ADCY1: variants seen among roughly 807,000 people sequenced by gnomAD.
ADCY1 encodes adenylate cyclase type 1.
Under a neutral mutation model 105.4 loss-of-function variants are expected in ADCY1, and 28 were observed. The ratio of observed to expected loss-of-function variants is 0.27; its 90% CI spans 0.20 to 0.36. The LOEUF (loss-of-function observed/expected upper bound fraction) is 0.36, where lower values mean the gene tolerates loss of function less well. ADCY1 is among the 10% of genes least tolerant of loss of function. The probability of loss-of-function intolerance (pLI) is 1.00; values close to 1 mark genes in which losing one functional copy is unlikely to be tolerated. For synonymous variants in ADCY1, 655 were observed against 623.8 expected (o/e 1.05, Z -0.75); for missense variants, 977 against 1,434.2 (o/e 0.68, Z 5.15).
At chr7:45,633,091 T>C (rs1223373235) in intron 4 of ADCY1, among the ~76,000 whole-genome samples, 1 of 152,124 alleles carries the variant, frequency 6.6e-6, no homozygotes, top group Admixed American at 6.5e-5. Flanking sequence ...CTAATTTTTG[T>C]ATTTTTGGTA....
intron 4 of ADCY1, among the ~76,000 whole-genome samples, chr7:45,637,291 A>G (rs1794415858): frequency 6.6e-6 from 1 of 152,186 alleles, no homozygotes; most frequent in South Asian, 2.1e-4. Context: ...TCCATTTTAC[A>G]TTTTATTTAC....
At chr7:45,589,077 G>A (rs573051823) in intron 1 of ADCY1, among the ~76,000 whole-genome samples, 6 of 152,248 alleles carry the variant, frequency 3.9e-5, no homozygotes, top group African/African-American at 9.6e-5. Flanking sequence ...CTGGTGGATG[G>A]AGAGACTGAG....
intron 4 of ADCY1, among the ~76,000 whole-genome samples, chr7:45,643,229 G>T (rs1471893587): frequency 6.6e-6 from 1 of 150,868 alleles, no homozygotes; most frequent in African/African-American, 2.4e-5. Context: ...CCATAATCTG[G>T]GTTGTAATTG....
intron 1 of ADCY1, among the ~76,000 whole-genome samples, chr7:45,576,642 C>T (rs780587291): frequency 3.3e-5 from 5 of 152,136 alleles, no homozygotes; most frequent in African/African-American, 1.2e-4. Context: ...GTGGGCAGCA[C>T]GTGGGCCTTG....
intron 4 of ADCY1, among the ~76,000 whole-genome samples, chr7:45,624,587 T>G (rs1021953746): frequency 1.3e-5 from 2 of 152,180 alleles, no homozygotes; most frequent in African/African-American, 2.4e-5. Context: ...CACACCCCAT[T>G]GATAGCCTGG....
chr7:45,640,995 A>G (rs941329127), intron 4 of ADCY1, among the ~76,000 whole-genome samples: 1 of 152,208 alleles, frequency 6.6e-6, no homozygotes, highest in Non-Finnish European at 1.5e-5. Context: ...TTAATTGCCA[A>G]AAGATGACAT....
At chr7:45,600,886 C>T (rs1205383677) in intron 2 of ADCY1, among the ~76,000 whole-genome samples, 2 of 152,116 alleles carry the variant, frequency 1.3e-5, no homozygotes, top group African/African-American at 4.8e-5. Flanking sequence ...GGATTAGGGC[C>T]CACTCAATTA....
intron 7 of ADCY1, among the ~76,000 whole-genome samples, chr7:45,661,031 C>T (rs2116121827): frequency 6.6e-6 from 1 of 151,466 alleles, no homozygotes; most frequent in Middle Eastern, 3.5e-3. Context: ...GGGGTTCAGG[C>T]TCAGGGGAGG....
chr7:45,658,903 G>A (rs1055654567), intron 6 of ADCY1, among the ~76,000 whole-genome samples: 9 of 152,232 alleles, frequency 5.9e-5, no homozygotes, highest in African/African-American at 2.2e-4. Context: ...CCAGGCCAAT[G>A]GGAGCTGCTG....
rs148449920 is a variant in ADCY1, at chr7:45,600,806, C to T, written c.789+7898C>T. Among the ~76,000 whole-genome samples, 590 of 152,302 alleles carry T rather than the reference C, an allele frequency of 3.9e-3. 3 individuals are homozygous for T. Among genetic ancestry groups the T allele is most frequent in the African/African-American group, 0.013 (534 of 41,550 alleles). ...GTCCTCACATGGTCTTCCCTCTGTG[C>T]GCACACCCTTGGTGTCTCTCTGTGT... is the stretch of plus-strand genomic sequence containing the variant. On this transcript the variant is annotated intron_variant, in intron 2 of 19. Coordinates refer to ENST00000297323, the MANE Select transcript of ADCY1 (RefSeq NM_021116.4).
chr7:45,704,424 C>T (rs893321770), intron 16 of ADCY1, 94 bp from the exon 17 acceptor site: 1 of 1,006,550 alleles, frequency 9.9e-7, no homozygotes, highest in Non-Finnish European at 1.5e-6. Flanking sequence ...CTGAATGTGT[C>T]CATCGGCTCT....
At chr7:45,626,753 G>C (rs188422651) in intron 4 of ADCY1, among the ~76,000 whole-genome samples, 5 of 152,296 alleles carry the variant, frequency 3.3e-5, no homozygotes, top group Admixed American at 3.3e-4. Flanking sequence ...GATCCATTTG[G>C]GCATGAAGCC....
intron 10 of ADCY1, among the ~76,000 whole-genome samples, chr7:45,679,404 C>A (rs1168951093): frequency 6.6e-6 from 1 of 152,204 alleles, no homozygotes; most frequent in Admixed American, 6.5e-5. Flanking sequence ...ATGAGGAAAA[C>A]GGCTTCCAGA....
At position 45,657,606 on chromosome 7, in the gene ADCY1, A is replaced by T. The variant is rs906111417; in HGVS notation, c.1149-121A>T. 8.4e-6 allele frequency: 9 copies of T among 1,076,520 alleles called. No individual in the cohort carries two copies. The African/African-American group carries it at 1.4e-4, about 17-fold the overall frequency. 66.7% of individuals were successfully genotyped at this position (1,076,520 alleles called of 1,614,324 possible). ...GCCAGGAGACCTCCACGCTCAGGCCACATGCAGCAAGGACAAGACCCAGTT... is the reference window on the plus strand; with the variant it reads ...GCCAGGAGACCTCCACGCTCAGGCCTCATGCAGCAAGGACAAGACCCAGTT... On this transcript the variant is annotated intron_variant, in intron 5 of 19. Transcript: ENST00000297323.
At chr7:45,578,994 A>G (rs994890808) in intron 1 of ADCY1, among the ~76,000 whole-genome samples, 5 of 152,234 alleles carry the variant, frequency 3.3e-5, no homozygotes, top group Non-Finnish European at 5.9e-5. Flanking sequence ...TCTTAGCTGT[A>G]GGCAGGATAA....
In ADCY1 at chr7:45,588,895, ATGTG is replaced by A. The variant is rs1209503478; in HGVS notation, c.640-3856_640-3853del. On this transcript the variant is annotated intron_variant, in intron 1 of 19. Transcript: ENST00000297323. ...TGTGTGTGTGTGTGTGTGTGTGTGT[ATGTG>A]TGTGTGTAACACTTTCCTTACTTTC... Among the ~76,000 whole-genome samples, 5 of 130,462 alleles carry A rather than the reference ATGTG, an allele frequency of 3.8e-5. No homozygotes were observed. In the South Asian group the frequency reaches 1.0e-3, roughly 26 times the overall value. 85.6% of individuals were successfully genotyped at this position (130,462 alleles called of 152,430 possible). A position where few individuals can be genotyped will look rare whatever the true frequency, so the allele number is the denominator to read the frequency against.
At chr7:45,693,999 AG>A (rs1784829657) in intron 14 of ADCY1, among the ~76,000 whole-genome samples, 1 of 123,028 alleles carries the variant, frequency 8.1e-6, no homozygotes, top group African/African-American at 3.1e-5. Flanking sequence ...TAGCATTGGG[AG>A]ACATACCTAA....
At chr7:45,614,203 G>A (rs748157217) in intron 3 of ADCY1, among the ~76,000 whole-genome samples, 12 of 151,846 alleles carry the variant, frequency 7.9e-5, no homozygotes, top group Non-Finnish European at 1.0e-4. Context: ...TAAATAACTG[G>A]AAAGTATGTT....
At position 45,714,100 on chromosome 7, in the gene ADCY1, G is replaced by C. The variant is rs1785318217; in HGVS notation, c.*105G>C. The C allele has an allele frequency of 1.6e-6, 1 of 621,052 alleles. No homozygotes were observed. The highest frequency in any genetic ancestry group is 1.8e-5 in the African/African-American group (1 of 54,538). 38.5% of individuals were successfully genotyped at this position (621,052 alleles called of 1,614,324 possible). On this transcript the variant is annotated 3_prime_UTR_variant, in exon 20 of 20. Transcript: ENST00000297323. Reference sequence around the variant, plus strand: ...GGACCAGCCAGACCAGCAGAGCAGGGAGCCACTTGCCAGGGTGGAGGAGGA... The same window carrying C: ...GGACCAGCCAGACCAGCAGAGCAGGCAGCCACTTGCCAGGGTGGAGGAGGA...
Sources: allele counts gnomAD v4.1 joint callset (sites outside exome capture counted in the v4.1 genomes callset), GRCh38; gene constraint gnomAD v4.1.1; transcripts MANE v1.5; gene names NCBI Gene and HGNC (gene_info 2026-07-23, HGNC 2026-07-21).